Variants in PARD3B observed in about 807,000 individuals in gnomAD.
The protein encoded by PARD3B is par-3 family cell polarity regulator beta.
In PARD3B, 103 loss-of-function variants were observed where a neutral mutation model predicts 130.2. That is an observed-to-expected ratio of 0.79 (90% confidence interval 0.67 to 0.93). The LOEUF is 0.93. Among genes scored for constraint, PARD3B ranks in the 40% least tolerant of loss-of-function variants. The probability of loss-of-function intolerance (pLI) is 0.00; values close to 1 mark genes in which losing one functional copy is unlikely to be tolerated. For synonymous variants in PARD3B, 583 were observed against 553.2 expected, an observed-to-expected ratio of 1.05 and a Z score of -0.76; for missense variants, 1,609 against 1,499.2, an observed-to-expected ratio of 1.07 and a Z score of -1.21.
At chr2:204,603,696 A>G (rs1258688020) in intron 1 of PARD3B, among the ~76,000 whole-genome samples, 2 of 152,102 alleles carry the variant, frequency 1.3e-5, no homozygotes, top group East Asian at 3.8e-4. Flanking sequence ...CTCCAGCACA[A>G]TTGTATTTGG....
At chr2:205,450,189 A>G (rs959011786) in intron 20 of PARD3B, among the ~76,000 whole-genome samples, 1 of 152,180 alleles carries the variant, frequency 6.6e-6, no homozygotes, top group Admixed American at 6.5e-5. Flanking sequence ...ATCAGACTGT[A>G]TTACATATTA....
chr2:205,084,098 A>G (rs920685404), intron 4 of PARD3B, among the ~76,000 whole-genome samples: 3 of 152,098 alleles, frequency 2.0e-5, no homozygotes, highest in Non-Finnish European at 2.9e-5. Context: ...AAATATCTCA[A>G]AAAAAATCTA....
intron 15 of PARD3B, among the ~76,000 whole-genome samples, chr2:205,233,415 T>G (rs547676386): frequency 6.6e-6 from 1 of 152,208 alleles, no homozygotes; most frequent in Non-Finnish European, 1.5e-5. Context: ...TGGATCTACA[T>G]AAATGAAGAT....
At chr2:205,541,909 C>A (rs994530971) in intron 21 of PARD3B, among the ~76,000 whole-genome samples, 1 of 151,554 alleles carries the variant, frequency 6.6e-6, no homozygotes, top group African/African-American at 2.4e-5. Context: ...TTTGGGAGGC[C>A]GAGGTGGGTG....
chr2:204,852,910 C>T (rs139684179), intron 2 of PARD3B, among the ~76,000 whole-genome samples: 160 of 152,130 alleles, frequency 1.1e-3, no homozygotes, highest in African/African-American at 3.4e-3. Context: ...AAAAAGTTAA[C>T]ATTTTTGAAG....
chr2:205,242,798 AT>A (rs965077337), intron 15 of PARD3B, among the ~76,000 whole-genome samples: 6 of 151,880 alleles, frequency 4.0e-5, no homozygotes, highest in Middle Eastern at 3.4e-3. Context: ...GCTTTTGTAC[AT>A]TTTTTTTCAT....
chr2:204,582,461 A>C (rs1318804584), intron 1 of PARD3B, among the ~76,000 whole-genome samples: 1 of 151,758 alleles, frequency 6.6e-6, no homozygotes, highest in Non-Finnish European at 1.5e-5. Context: ...CTTGACTATC[A>C]AGAAAGAAGG....
At chr2:204,936,309 T>G (rs1278044608) in intron 2 of PARD3B, among the ~76,000 whole-genome samples, 2 of 152,222 alleles carry the variant, frequency 1.3e-5, no homozygotes, top group African/African-American at 2.4e-5. Flanking sequence ...GTAAGAAGGA[T>G]TCTTCAGTTT....
intron 16 of PARD3B, among the ~76,000 whole-genome samples, chr2:205,275,667 C>G (rs2040913849): frequency 1.3e-5 from 2 of 151,730 alleles, no homozygotes; most frequent in South Asian, 4.2e-4. Flanking sequence ...GAAACCCTGT[C>G]TCTACTAACA....
chr2:204,972,587 T>C (rs985706612), intron 3 of PARD3B, among the ~76,000 whole-genome samples: 2 of 152,170 alleles, frequency 1.3e-5, no homozygotes, highest in East Asian at 1.9e-4. Flanking sequence ...TGTACTCAAA[T>C]AAAATAGAAA....
chr2:204,893,170 A>G, intron 2 of PARD3B, among the ~76,000 whole-genome samples: 1 of 152,166 alleles, frequency 6.6e-6, no homozygotes, highest in Non-Finnish European at 1.5e-5. Context: ...AAATGAAGAA[A>G]GTATTTCAAG....
At chr2:204,666,217 T>C (rs989474499) in intron 1 of PARD3B, among the ~76,000 whole-genome samples, 1 of 152,048 alleles carries the variant, frequency 6.6e-6, no homozygotes, top group African/African-American at 2.4e-5. Context: ...CAAAATGAAA[T>C]AATAGATGTA....
intron 2 of PARD3B, among the ~76,000 whole-genome samples, chr2:204,875,515 T>A (rs890045681): frequency 6.6e-6 from 1 of 152,160 alleles, no homozygotes; most frequent in Admixed American, 6.5e-5. Context: ...GGGGTGGGTC[T>A]GAGATTCTGT....
chr2:205,293,117 T>C (rs1419300405), intron 16 of PARD3B, among the ~76,000 whole-genome samples: 1 of 152,036 alleles, frequency 6.6e-6, no homozygotes, highest in African/African-American at 2.4e-5. Context: ...ATACAAAAAA[T>C]TATAAAAATA....
chr2:204,746,719 C>T (rs1234599606), intron 2 of PARD3B, among the ~76,000 whole-genome samples: 2 of 152,152 alleles, frequency 1.3e-5, no homozygotes, highest in Admixed American at 6.5e-5. Context: ...ATTTGCATTT[C>T]TCTGATGGCC....
At chr2:205,172,464 A>G (rs2035228568) in intron 12 of PARD3B, 83 bp downstream of exon 12, 8 of 1,377,206 alleles carry the variant, frequency 5.8e-6, no homozygotes, top group Non-Finnish European at 4.9e-6. Context: ...TATGGCAGCT[A>G]GATTCATATC....
Position 204,999,003 on chromosome 2 carries a change from A to T in PARD3B, c.394+33680A>T, listed in dbSNP as rs1694600354. ...AGGCACCATGCCTGGCTGATTTTTT[A>T]AAATTTAAATTAAACTGGCACTTCT... On this transcript the variant is annotated intron_variant, in intron 3 of 22. Transcript: ENST00000406610. Among the ~76,000 whole-genome samples, 4 of 152,232 alleles carry T rather than the reference A, an allele frequency of 2.6e-5. No individual in the cohort carries two copies. The South Asian group carries it at 8.3e-4, about 32-fold the overall frequency.
chr2:205,503,624 T>G (rs2050240819), intron 21 of PARD3B, among the ~76,000 whole-genome samples: 1 of 152,186 alleles, frequency 6.6e-6, no homozygotes, highest in African/African-American at 2.4e-5. Flanking sequence ...CCAGCTTTGT[T>G]CTTTTGTCTT....
intron 16 of PARD3B, among the ~76,000 whole-genome samples, chr2:205,284,623 C>T (rs1207854921): frequency 1.3e-5 from 2 of 152,166 alleles, no homozygotes; most frequent in Non-Finnish European, 2.9e-5. Flanking sequence ...TCCTGCTTTG[C>T]TTCCATTACT....
Sources: allele counts gnomAD v4.1 joint callset (sites outside exome capture counted in the v4.1 genomes callset), GRCh38; gene constraint gnomAD v4.1.1; transcripts MANE v1.5; gene names NCBI Gene and HGNC (gene_info 2026-07-23, HGNC 2026-07-21).